PCDH11X: variants seen among roughly 807,000 people sequenced by gnomAD.
The protein encoded by PCDH11X is protocadherin-11 X-linked.
In PCDH11X, 18 loss-of-function variants were observed where a neutral mutation model predicts 53.3. The ratio of observed to expected loss-of-function variants is 0.34; its 90% CI spans 0.23 to 0.50. The LOEUF (loss-of-function observed/expected upper bound fraction) is 0.50, where lower values mean the gene tolerates loss of function less well. PCDH11X is among the 20% of genes least tolerant of loss of function. The pLI is 0.98. For missense variants in PCDH11X, 570 were observed against 1,032.4 expected (o/e 0.55, Z 6.14); for synonymous variants, 279 against 393.3 (o/e 0.71, Z 3.44).
intron 7 of PCDH11X, among the ~76,000 whole-genome samples, chrX:92,212,943 G>A (rs969710019): frequency 3.6e-5 from 4 of 112,343 alleles, no homozygotes; most frequent in African/African-American, 1.3e-4. Flanking sequence ...TGGAAAATGT[G>A]TATGTTCTTT....
intron 6 of PCDH11X, among the ~76,000 whole-genome samples, chrX:92,150,758 C>T (rs1603057698): frequency 9.0e-6 from 1 of 110,582 alleles, no homozygotes; most frequent in Non-Finnish European, 1.9e-5. Flanking sequence ...TCTTAAACAA[C>T]TTTATTAGAT....
At chrX:92,287,759 G>A (rs1603255743) in intron 8 of PCDH11X, among the ~76,000 whole-genome samples, 1 of 111,582 alleles carries the variant, frequency 9.0e-6, no homozygotes, top group Admixed American at 9.5e-5. Flanking sequence ...ATCTGATATG[G>A]TTTAGCTCTG....
chrX:92,398,494 G>A (rs2353880), intron 9 of PCDH11X, among the ~76,000 whole-genome samples: 1 of 111,664 alleles, frequency 9.0e-6, no homozygotes, highest in Non-Finnish European at 1.9e-5. Flanking sequence ...TTCTTTGTCT[G>A]CTCCCAGAAA....
chrX:92,432,572 A>G (rs1444036763), intron 9 of PCDH11X, among the ~76,000 whole-genome samples: 5 of 109,985 alleles, frequency 4.5e-5, no homozygotes, highest in Non-Finnish European at 9.6e-5. Flanking sequence ...TTGAGTAAAT[A>G]CTTGTAGTGT....
At chrX:92,030,302 TATA>T (rs752360421) in intron 6 of PCDH11X, among the ~76,000 whole-genome samples, 127 of 111,226 alleles carry the variant, frequency 1.1e-3, no homozygotes, top group African/African-American at 4.0e-3. Context: ...TTTACAATAT[TATA>T]ATATTTTCTG....
intron 8 of PCDH11X, among the ~76,000 whole-genome samples, chrX:92,306,542 A>G (rs1387436391): frequency 9.1e-6 from 1 of 109,909 alleles, no homozygotes; most frequent in Admixed American, 9.8e-5. Flanking sequence ...ATCAGAAATG[A>G]AAGATGAGAA....
At chrX:92,395,726 C>T (rs1334985278) in intron 9 of PCDH11X, among the ~76,000 whole-genome samples, 2 of 110,711 alleles carry the variant, frequency 1.8e-5, no homozygotes, top group East Asian at 5.6e-4. Flanking sequence ...GAGATTTGGC[C>T]CTTTTAAGCA....
chrX:92,142,560 A>G (rs1195776362), intron 6 of PCDH11X, among the ~76,000 whole-genome samples: 11 of 111,142 alleles, frequency 9.9e-5, no homozygotes, highest in Non-Finnish European at 1.7e-4. Context: ...AGAGATAGGG[A>G]TTGAATGGGT....
chrX:92,586,977 C>CTTTT (rs34675403), intron 10 of PCDH11X, among the ~76,000 whole-genome samples: 20 of 72,930 alleles, frequency 2.7e-4, no homozygotes, highest in African/African-American at 4.0e-4. Flanking sequence ...ACACAGAAGC[C>CTTTT]TTTTTTTTTT....
chrX:92,263,086 C>T, intron 7 of PCDH11X, 28 bp from the exon 8 acceptor site: 1 of 1,172,214 alleles, frequency 8.5e-7, no homozygotes, highest in Non-Finnish European at 1.1e-6. Flanking sequence ...TCCTTTGCTT[C>T]CCTTGCCTCC....
At chrX:91,825,695 C>T (rs1936900161) in intron 4 of PCDH11X, among the ~76,000 whole-genome samples, 1 of 108,310 alleles carries the variant, frequency 9.2e-6, no homozygotes, top group Admixed American at 9.6e-5. Flanking sequence ...CATCTTGGCT[C>T]CTCCCTCCAG....
At chrX:92,108,740 T>C (rs931395399) in intron 6 of PCDH11X, among the ~76,000 whole-genome samples, 3 of 111,793 alleles carry the variant, frequency 2.7e-5, no homozygotes, top group African/African-American at 9.8e-5. Context: ...TGCTATAGGA[T>C]ATATTATTCC....
At chrX:91,941,038 A>C (rs1569267697) in intron 6 of PCDH11X, among the ~76,000 whole-genome samples, 2 of 111,015 alleles carry the variant, frequency 1.8e-5, no homozygotes, top group Non-Finnish European at 1.9e-5. Flanking sequence ...TTAATTGTGC[A>C]TTTTAAAATA....
intron 8 of PCDH11X, among the ~76,000 whole-genome samples, chrX:92,299,700 T>C (rs997784897): frequency 2.0e-4 from 22 of 111,718 alleles, no homozygotes; most frequent in African/African-American, 6.2e-4. Context: ...AAATTTTCTC[T>C]TTTTTTCTTT....
intron 5 of PCDH11X, among the ~76,000 whole-genome samples, chrX:91,856,943 G>A (rs1461742731): frequency 8.9e-6 from 1 of 111,801 alleles, no homozygotes; most frequent in Middle Eastern, 4.2e-3. Flanking sequence ...GTGCAATAAT[G>A]TATATTCCCT....
At chrX:92,520,522 C>A (rs2074354746) in intron 10 of PCDH11X, among the ~76,000 whole-genome samples, 1 of 103,362 alleles carries the variant, frequency 9.7e-6, no homozygotes, top group African/African-American at 3.5e-5. Flanking sequence ...CCATGTTGCC[C>A]AGGCTGGTAT....
At chrX:92,305,464 C>A (rs1382942093) in intron 8 of PCDH11X, among the ~76,000 whole-genome samples, 16 of 109,418 alleles carry the variant, frequency 1.5e-4, no homozygotes, top group Non-Finnish European at 3.0e-4. Context: ...TATCTGGTGT[C>A]TCTTCCTCAG....
intron 6 of PCDH11X, among the ~76,000 whole-genome samples, chrX:91,952,252 G>A (rs1355551293): frequency 2.7e-5 from 3 of 109,991 alleles, no homozygotes; most frequent in African/African-American, 9.9e-5. Flanking sequence ...TTTGGCAGTT[G>A]ATTTTATTAA....
Position 92,403,686 on chromosome X carries a change from TTAACAAGC to T in PCDH11X, c.3343+15755_3343+15762del, listed in dbSNP as rs755369184. Among the ~76,000 whole-genome samples the T allele has an allele frequency of 2.7e-5, 3 of 111,263 alleles. No homozygotes were observed. The Admixed American group carries it at 2.9e-4, about 11-fold the overall frequency. On this transcript the variant is annotated intron_variant, in intron 9 of 10. Coordinates refer to ENST00000682573, the MANE Select transcript of PCDH11X (RefSeq NM_032968.5). Reference sequence around the variant, plus strand: ...AGTCCATAAACTTTCTGCTGAATATTTAACAAGCTGGAGGTCACTGCAAATGTGTTTTT... The same window carrying T: ...AGTCCATAAACTTTCTGCTGAATATTTGGAGGTCACTGCAAATGTGTTTTT...
Sources: allele counts gnomAD v4.1 joint callset (sites outside exome capture counted in the v4.1 genomes callset), GRCh38; gene constraint gnomAD v4.1.1; transcripts MANE v1.5; gene names NCBI Gene and HGNC (gene_info 2026-07-23, HGNC 2026-07-21).